Variants in GABRB3 observed in about 807,000 individuals in gnomAD.
The protein encoded by GABRB3 is gamma-aminobutyric acid receptor subunit beta-3.
GABRB3 carries 14 observed loss-of-function variants against 52.1 expected under a neutral mutation model. That is an observed-to-expected ratio of 0.27 (90% confidence interval 0.18 to 0.42). GABRB3 has a LOEUF of 0.42. GABRB3 is among the 10% of genes least tolerant of loss of function. The pLI, the probability that GABRB3 is intolerant of heterozygous loss-of-function variation, is 1.00. For missense variants in GABRB3, 307 were observed against 609.1 expected, an observed-to-expected ratio of 0.50 and a Z score of 5.22; for synonymous variants, 260 against 232.3, an observed-to-expected ratio of 1.12 and a Z score of -1.08.
rs575933567 is a variant in GABRB3, at chr15:26,707,066, G to A, written c.240+65336C>T. Among the ~76,000 whole-genome samples, 17 of 152,278 alleles carry A rather than the reference G, an allele frequency of 1.1e-4. No homozygotes were observed. The South Asian group carries it at 2.9e-3, about 26-fold the overall frequency. On this transcript the variant is annotated intron_variant, in intron 3 of 8. Coordinates refer to ENST00000311550, the MANE Select transcript of GABRB3 (RefSeq NM_000814.6). ...CTCACACAATCAACGGGAAAGAATC[G>A]GGGAAATACATGATTGCAAACACAT...
intron 3 of GABRB3, among the ~76,000 whole-genome samples, chr15:26,665,157 T>A (rs1312524767): frequency 1.3e-5 from 2 of 152,244 alleles, no homozygotes; most frequent in Admixed American, 1.3e-4. Flanking sequence ...TTAACTATAG[T>A]CGCCCTACTG....
At chr15:26,680,269 T>C (rs1362765309) in intron 3 of GABRB3, among the ~76,000 whole-genome samples, 2 of 152,214 alleles carry the variant, frequency 1.3e-5, no homozygotes, top group African/African-American at 2.4e-5. Flanking sequence ...TTCCCAATTG[T>C]GTGAGCCAAC....
rs548081512 is a variant in GABRB3, at chr15:26,633,104, G to A, written c.241-11570C>T. On this transcript the variant is annotated intron_variant, in intron 3 of 8. Coordinates refer to ENST00000311550, the MANE Select transcript of GABRB3 (RefSeq NM_000814.6). ...TGGTGTAGAATTCCCAAAATTATCT[G>A]GAGCAGGCTTCACCCTTTGCTCTCA... Among the ~76,000 whole-genome samples, 7 of 152,194 alleles carry A rather than the reference G, an allele frequency of 4.6e-5. No homozygotes were observed. The South Asian group carries it at 1.0e-3, about 23-fold the overall frequency.
chr15:26,623,329 A>C (rs1892559942), intron 3 of GABRB3, among the ~76,000 whole-genome samples: 1 of 152,182 alleles, frequency 6.6e-6, no homozygotes, highest in South Asian at 2.1e-4. Context: ...AGCCACTGAT[A>C]GTTTCCATGG....
At chr15:26,686,787 C>T (rs1372570188) in intron 3 of GABRB3, among the ~76,000 whole-genome samples, 1 of 152,248 alleles carries the variant, frequency 6.6e-6, no homozygotes, top group Non-Finnish European at 1.5e-5. Context: ...CGTGGGATGC[C>T]ATCCAGGAGT....
rs368382826 is a variant in GABRB3 at position 26,675,930 on chromosome 15, T to C, written c.241-54396A>G. Among the ~76,000 whole-genome samples, 607 of 152,276 alleles carry C rather than the reference T, an allele frequency of 4.0e-3. 3 individuals carry two copies. The highest frequency in any genetic ancestry group is 7.1e-3 in the Non-Finnish European group (483 of 68,018). Reference sequence around the variant, plus strand: ...CAGGGTTCTTGCTAAAAGTTTCCAATGCAGAGATGAACACTGACACCCAAA... The same window carrying C: ...CAGGGTTCTTGCTAAAAGTTTCCAACGCAGAGATGAACACTGACACCCAAA... On this transcript the variant is annotated intron_variant, in intron 3 of 8. Coordinates refer to ENST00000311550, the MANE Select transcript of GABRB3 (RefSeq NM_000814.6).
chr15:26,713,409 C>A (rs1319650897), intron 3 of GABRB3, among the ~76,000 whole-genome samples: 1 of 151,952 alleles, frequency 6.6e-6, no homozygotes, highest in African/African-American at 2.4e-5. Context: ...AGAGGGGAGA[C>A]CCAGGCCCTA....
intron 7 of GABRB3, among the ~76,000 whole-genome samples, chr15:26,567,253 T>G (rs952651319): frequency 2.6e-4 from 40 of 152,232 alleles, no homozygotes; most frequent in African/African-American, 9.2e-4. Flanking sequence ...TAATCAAGTC[T>G]TCTTTCTGGG....
chr15:26,686,906 T>C (rs1888425094), intron 3 of GABRB3, among the ~76,000 whole-genome samples: 1 of 152,248 alleles, frequency 6.6e-6, no homozygotes, highest in Admixed American at 6.5e-5. Context: ...CTAGTATCAA[T>C]AGTAGCCGCA....
chr15:26,742,378 G>C (rs1890230718), intron 3 of GABRB3, among the ~76,000 whole-genome samples: 1 of 83,200 alleles, frequency 1.2e-5, no homozygotes, highest in Admixed American at 1.6e-4. Context: ...GGTCTATGAT[G>C]TATTGAAAAA....
Position 26,601,825 on chromosome 15 carries a change from G to C in GABRB3, c.462-18411C>G, listed in dbSNP as rs1021578921. ...CTAGAGCAAATCACCTTCACAAAAAGGAAGACAGGAAAGAAGAAAGAAGGA... is the reference window on the plus strand; with the variant it reads ...CTAGAGCAAATCACCTTCACAAAAACGAAGACAGGAAAGAAGAAAGAAGGA... On this transcript the variant is annotated intron_variant, in intron 4 of 8. Coordinates refer to ENST00000311550, the MANE Select transcript of GABRB3 (RefSeq NM_000814.6). Among the ~76,000 whole-genome samples the C allele has an allele frequency of 5.5e-4, 84 of 152,006 alleles. 1 individual carries two copies. The highest frequency in any genetic ancestry group is 2.0e-3 in the African/African-American group (83 of 41,468).
At chr15:26,742,865 T>C (rs955986155) in intron 3 of GABRB3, among the ~76,000 whole-genome samples, 3 of 152,122 alleles carry the variant, frequency 2.0e-5, no homozygotes, top group Non-Finnish European at 4.4e-5. Context: ...TACATGTTAA[T>C]TTGGGAATGA....
At chr15:26,678,156 C>T (rs2140642569) in intron 3 of GABRB3, among the ~76,000 whole-genome samples, 1 of 152,278 alleles carries the variant, frequency 6.6e-6, no homozygotes, top group Non-Finnish European at 1.5e-5. Context: ...CTTGAGACAT[C>T]TTCATAAGAC....
intron 3 of GABRB3, among the ~76,000 whole-genome samples, chr15:26,684,559 G>A (rs745360530): frequency 2.6e-5 from 4 of 152,154 alleles, no homozygotes; most frequent in African/African-American, 9.7e-5. Context: ...TTCTCACTAA[G>A]CTTAATCATT....
At chr15:26,648,379 T>C in intron 3 of GABRB3, among the ~76,000 whole-genome samples, 1 of 152,208 alleles carries the variant, frequency 6.6e-6, no homozygotes, top group East Asian at 1.9e-4. Flanking sequence ...ACAGAGTAAT[T>C]TGGAGGTGCC....
At chr15:26,600,561 A>G (rs906454880) in intron 4 of GABRB3, among the ~76,000 whole-genome samples, 9 of 152,238 alleles carry the variant, frequency 5.9e-5, no homozygotes, top group Non-Finnish European at 1.0e-4. Flanking sequence ...GCATTCTAAG[A>G]AAGAGTGGTA....
chr15:26,764,602 G>T (rs1016464438), intron 3 of GABRB3, among the ~76,000 whole-genome samples: 5 of 152,118 alleles, frequency 3.3e-5, no homozygotes, highest in African/African-American at 1.2e-4. Context: ...CAGCTACAGA[G>T]ATCAAGAGAC....
intron 4 of GABRB3, among the ~76,000 whole-genome samples, chr15:26,603,308 C>T (rs2140503861): frequency 6.6e-6 from 1 of 152,126 alleles, no homozygotes; most frequent in African/African-American, 2.4e-5. Flanking sequence ...AATGGCTTCA[C>T]TGCTGAATTC....
chr15:26,746,259 C>T lies in GABRB3; in HGVS notation c.240+26143G>A, dbSNP rs111847569. 1.6e-3 allele frequency among the ~76,000 whole-genome samples: 239 copies of T among 150,652 alleles called. 1 individual carries two copies. The highest frequency in any genetic ancestry group is 5.7e-3 in the African/African-American group (234 of 41,162). ...TGTGCTTATTGGCCATCTGTATATA[C>T]TCTTTCCTGAAATGTCAGTGCATAT... On this transcript the variant is annotated intron_variant, in intron 3 of 8. Coordinates refer to ENST00000311550, the MANE Select transcript of GABRB3 (RefSeq NM_000814.6).
Sources: allele counts gnomAD v4.1 joint callset (sites outside exome capture counted in the v4.1 genomes callset), GRCh38; gene constraint gnomAD v4.1.1; transcripts MANE v1.5; gene names NCBI Gene and HGNC (gene_info 2026-07-23, HGNC 2026-07-21).